SPIRE1: variants seen among roughly 807,000 people sequenced by gnomAD.
The protein encoded by SPIRE1 is protein spire homolog 1.
Under a neutral mutation model 94.1 loss-of-function variants are expected in SPIRE1, and 40 were observed. The ratio of observed to expected loss-of-function variants is 0.43; its 90% CI spans 0.33 to 0.55. The LOEUF is 0.55. Among genes scored for constraint, SPIRE1 ranks in the 20% least tolerant of loss-of-function variants. The pLI, the probability that SPIRE1 is intolerant of heterozygous loss-of-function variation, is 0.06. For missense variants in SPIRE1, 838 were observed against 975.2 expected (o/e 0.86, Z 1.87); for synonymous variants, 376 against 371.7 (o/e 1.01, Z -0.13).
chr18:12,606,854 G>A (rs1379637565), intron 2 of SPIRE1, among the ~76,000 whole-genome samples: 1 of 152,136 alleles, frequency 6.6e-6, no homozygotes, highest in Non-Finnish European at 1.5e-5. Context: ...AACAGTGTTA[G>A]TGCTCCCTTT....
intron 5 of SPIRE1, among the ~76,000 whole-genome samples, chr18:12,512,015 A>G (rs2144032775): frequency 6.6e-6 from 1 of 152,280 alleles, no homozygotes; most frequent in Admixed American, 6.5e-5. Context: ...GGCCTCCCCA[A>G]GTGCTGGGAT....
At chr18:12,660,667 T>C (rs2038678556), upstream of SPIRE1, among the ~76,000 whole-genome samples, 1 of 152,098 alleles carries the variant, frequency 6.6e-6, no homozygotes, top group Admixed American at 6.5e-5. Flanking sequence ...GGATTTTCCT[T>C]GAGTGATGAT....
In SPIRE1 at chr18:12,622,658, G is replaced by A. The variant is rs1335019904; in HGVS notation, c.372+12404C>T. ...AGGATGGTCTCGATCTCCTGACCTC[G>A]TGATCCGCCCGCCTCAGCCTCCCAA... On this transcript the variant is annotated intron_variant, in intron 2 of 16. Coordinates refer to ENST00000409402, the MANE Select transcript of SPIRE1 (RefSeq NM_001128626.2). Among the ~76,000 whole-genome samples the A allele has an allele frequency of 4.0e-5, 6 of 151,670 alleles. No individual in the cohort carries two copies. The South Asian group carries it at 6.2e-4, about 16-fold the overall frequency.
At chr18:12,480,461 G>A (rs1488717117) in intron 9 of SPIRE1, among the ~76,000 whole-genome samples, 1 of 152,146 alleles carries the variant, frequency 6.6e-6, no homozygotes. Context: ...TGTGGGGGAT[G>A]GTTTGGGTCT....
intron 2 of SPIRE1, among the ~76,000 whole-genome samples, chr18:12,614,115 C>G (rs2037218686): frequency 6.6e-6 from 1 of 152,062 alleles, no homozygotes; most frequent in African/African-American, 2.4e-5. Flanking sequence ...AAAAAATTAG[C>G]TGGATGTGGT....
intron 2 of SPIRE1, among the ~76,000 whole-genome samples, chr18:12,615,354 ATATATATATATATATATATGCATGTATAT>A (rs2037271228): frequency 3.5e-5 from 3 of 85,964 alleles, no homozygotes; most frequent in Non-Finnish European, 5.0e-5. Context: ...AAATATATAT[ATATATATATATATATATATGCATGTATAT>A]AAAAAAAATA....
chr18:12,621,456 G>A (rs1255651557), intron 2 of SPIRE1, among the ~76,000 whole-genome samples: 1 of 152,116 alleles, frequency 6.6e-6, no homozygotes, highest in Admixed American at 6.5e-5. Context: ...AACAGCCAAA[G>A]GGTAGAAACA....
chr18:12,575,235 T>C (rs571086803), intron 2 of SPIRE1, among the ~76,000 whole-genome samples: 11 of 152,176 alleles, frequency 7.2e-5, no homozygotes, highest in South Asian at 6.2e-4. Context: ...TTCATGACTT[T>C]AGTTTGACAA....
chr18:12,553,548 C>T (rs1397740889), intron 2 of SPIRE1, among the ~76,000 whole-genome samples: 2 of 152,078 alleles, frequency 1.3e-5, no homozygotes, highest in East Asian at 1.9e-4. Context: ...TGAGTGCTAG[C>T]TCAACCACAG....
intron 6 of SPIRE1, among the ~76,000 whole-genome samples, chr18:12,501,008 G>C (rs1749644288): frequency 1.4e-5 from 2 of 146,818 alleles, no homozygotes; most frequent in Admixed American, 1.4e-4. Context: ...GGAGGCGGAG[G>C]TTGCAGCGAG....
chr18:12,484,013 A>G lies in SPIRE1; in HGVS notation c.1231+1946T>C, dbSNP rs567404597. ...AAATTCTCTGCTACCCTTTTACACT[A>G]AGAAATTTAAGTACCAAGAGTTTTC... On this transcript the variant is annotated intron_variant, in intron 9 of 16. Transcript: ENST00000409402. 2.0e-5 allele frequency among the ~76,000 whole-genome samples: 3 copies of G among 152,346 alleles called. No individual in the cohort carries two copies. The South Asian group carries it at 6.2e-4, about 32-fold the overall frequency.
chr18:12,545,062 C>T (rs998870195), intron 3 of SPIRE1, among the ~76,000 whole-genome samples: 1 of 152,166 alleles, frequency 6.6e-6, no homozygotes, highest in Non-Finnish European at 1.5e-5. Flanking sequence ...AAATGTTTTA[C>T]TCTTCATTTT....
intron 12 of SPIRE1, among the ~76,000 whole-genome samples, chr18:12,458,385 G>A (rs1475410550): frequency 6.6e-6 from 1 of 151,730 alleles, no homozygotes; most frequent in East Asian, 2.0e-4. Context: ...GCCGAGGTGG[G>A]CGGATCACGA....
intron 2 of SPIRE1, among the ~76,000 whole-genome samples, chr18:12,561,101 C>T (rs575417336): frequency 1.3e-5 from 2 of 152,246 alleles, no homozygotes; most frequent in African/African-American, 4.8e-5. Context: ...CAAATACATA[C>T]ACCTACTACA....
At chr18:12,498,265 AT>A (rs1672379273) in intron 6 of SPIRE1, among the ~76,000 whole-genome samples, 1 of 152,164 alleles carries the variant, frequency 6.6e-6, no homozygotes. Flanking sequence ...CAGTTAAATT[AT>A]TTTCCTGTAA....
chr18:12,650,251 T>C (rs1031691076), intron 1 of SPIRE1, among the ~76,000 whole-genome samples: 4 of 148,902 alleles, frequency 2.7e-5, no homozygotes, highest in Admixed American at 1.3e-4. Context: ...AAAAAATAAA[T>C]AAACAAATAA....
chr18:12,477,985 C>CG (rs2032671668), intron 10 of SPIRE1, among the ~76,000 whole-genome samples: 1 of 151,840 alleles, frequency 6.6e-6, no homozygotes. Context: ...GAGTGCAAGA[C>CG]GGAATTTGGG....
At chr18:12,526,533 G>A (rs527910712) in intron 4 of SPIRE1, among the ~76,000 whole-genome samples, 14 of 152,080 alleles carry the variant, frequency 9.2e-5, no homozygotes, top group Non-Finnish European at 1.6e-4. Flanking sequence ...ATTCACCATC[G>A]TACCGACAGT....
At chr18:12,491,828 C>T (rs900563972) in intron 8 of SPIRE1, among the ~76,000 whole-genome samples, 2 of 152,126 alleles carry the variant, frequency 1.3e-5, no homozygotes, top group African/African-American at 4.8e-5. Context: ...AGTGCTGCTG[C>T]GACAGATGAC....
Sources: allele counts gnomAD v4.1 joint callset (sites outside exome capture counted in the v4.1 genomes callset), GRCh38; gene constraint gnomAD v4.1.1; transcripts MANE v1.5; gene names NCBI Gene and HGNC (gene_info 2026-07-23, HGNC 2026-07-21).